XIRP2: variants seen among roughly 807,000 people sequenced by gnomAD.
XIRP2 encodes xin actin-binding repeat-containing protein 2.
A neutral mutation model predicts 277.0 loss-of-function variants in XIRP2; 236 were observed. That is an observed-to-expected ratio of 0.85 (90% confidence interval 0.77 to 0.95). The LOEUF is 0.95. Among genes scored for constraint, XIRP2 ranks in the 40% least tolerant of loss-of-function variants. XIRP2 has a pLI of 0.00. For synonymous variants in XIRP2, 1,490 were observed against 1,416.5 expected, an observed-to-expected ratio of 1.05 and a Z score of -1.17; for missense variants, 4,640 against 4,157.5, an observed-to-expected ratio of 1.12 and a Z score of -3.19.
intron 2 of XIRP2, among the ~76,000 whole-genome samples, chr2:166,994,910 G>C (rs1007238201): frequency 6.6e-6 from 1 of 151,220 alleles, no homozygotes; most frequent in African/African-American, 2.4e-5. Flanking sequence ...AGAAAAATGT[G>C]GGCTTTGACT....
chr2:167,030,346 C>T (rs1688309169), intron 2 of XIRP2, among the ~76,000 whole-genome samples: 1 of 152,084 alleles, frequency 6.6e-6, no homozygotes, highest in Admixed American at 6.6e-5. Context: ...CTCCTGTGGG[C>T]ATTTAGTACT....
chr2:167,166,381 G>T (rs573629094), intron 3 of XIRP2, among the ~76,000 whole-genome samples: 20 of 152,074 alleles, frequency 1.3e-4, no homozygotes, highest in African/African-American at 4.8e-4. Context: ...CCTAGAATAT[G>T]GTCTGTCTTA....
chr2:167,213,678 A>C (rs1293052972), intron 4 of XIRP2, among the ~76,000 whole-genome samples: 2 of 152,184 alleles, frequency 1.3e-5, no homozygotes. Context: ...CATGACACTA[A>C]ATAAGGTAAA....
intron 2 of XIRP2, among the ~76,000 whole-genome samples, chr2:167,067,171 A>G (rs762628795): frequency 5.3e-5 from 8 of 152,010 alleles, no homozygotes; most frequent in Non-Finnish European, 1.2e-4. Flanking sequence ...AATTACATAT[A>G]TCTATGAGTA....
intron 2 of XIRP2, among the ~76,000 whole-genome samples, chr2:167,005,868 G>C (rs1275094216): frequency 6.6e-6 from 1 of 151,634 alleles, no homozygotes; most frequent in Non-Finnish European, 1.5e-5. Context: ...CAACCTTCTG[G>C]ATCAGAATCT....
intron 5 of XIRP2, among the ~76,000 whole-genome samples, chr2:167,239,149 A>T (rs570291735): frequency 5.5e-4 from 84 of 152,318 alleles, no homozygotes; most frequent in African/African-American, 2.0e-3. Flanking sequence ...GAAGACTAGT[A>T]TGTCTTTTTG....
chr2:167,244,974 T>A lies in XIRP2; in HGVS notation c.3582T>A (p.Ala1194=). The A allele has an allele frequency of 6.2e-7, 1 of 1,613,310 alleles. No homozygotes were observed. Among genetic ancestry groups the A allele is most frequent in the Non-Finnish European group, 8.5e-7 (1 of 1,179,652 alleles). Residue 1194 remains alanine, a synonymous_variant, in exon 9 of 11, where the codon GCT becomes GCA. Coordinates refer to ENST00000409195, the MANE Select transcript of XIRP2 (RefSeq NM_152381.6). ...EIKPVEMDIQ[A]GDVSSMRYKF... ...AGCCTGTTGAAATGGATATACAAGC[T>A]GGAGATGTTTCCAGCATGAGGTATA...
chr2:167,142,447 CT>C (rs1352975099), intron 3 of XIRP2, among the ~76,000 whole-genome samples: 1 of 151,988 alleles, frequency 6.6e-6, no homozygotes, highest in Non-Finnish European at 1.5e-5. Flanking sequence ...ACTCGGGAGG[CT>C]GAGGCAGGAA....
At position 167,245,898 on chromosome 2, in the gene XIRP2, T is replaced by C; in HGVS notation, c.4506T>C (p.Ile1502=). 1 of 1,613,760 alleles carries C rather than the reference T, an allele frequency of 6.2e-7. No homozygotes were observed. The highest frequency in any genetic ancestry group is 1.1e-5 in the South Asian group (1 of 91,068). The change falls in exon 9 of 11, where the codon ATT becomes ATC. Residue 1502 remains isoleucine, a synonymous_variant. Transcript: ENST00000409195. ...WLFENRTFDS[I]MEAHKGITKM... ...TTGAAAATCGAACTTTCGATTCTAT[T>C]ATGGAAGCACATAAAGGTATCACAA...
chr2:167,095,838 A>C (rs1690294398), intron 2 of XIRP2, among the ~76,000 whole-genome samples: 1 of 101,682 alleles, frequency 9.8e-6, no homozygotes, highest in Admixed American at 1.3e-4. Flanking sequence ...AAAATGATTT[A>C]GGAGGCGTCA....
intron 4 of XIRP2, among the ~76,000 whole-genome samples, chr2:167,214,531 C>G (rs1339624617): frequency 6.7e-6 from 1 of 149,580 alleles, no homozygotes; most frequent in Non-Finnish European, 1.5e-5. Context: ...GTAATGTAGT[C>G]TGTTTCTAAA....
chr2:167,240,837 C>T (rs2105430249), intron 7 of XIRP2, 101 bp downstream of exon 7: 1 of 979,428 alleles, frequency 1.0e-6, no homozygotes, highest in Non-Finnish European at 1.6e-6. Context: ...CTCTGAGTAA[C>T]TTTAGTAACT....
At chr2:167,230,272 T>C (rs1694715095) in intron 5 of XIRP2, among the ~76,000 whole-genome samples, 1 of 152,140 alleles carries the variant, frequency 6.6e-6, no homozygotes, top group South Asian at 2.1e-4. Flanking sequence ...GTCAGTACTT[T>C]AGGTTGGGGT....
intron 2 of XIRP2, among the ~76,000 whole-genome samples, chr2:167,108,086 C>A (rs989060380): frequency 6.6e-6 from 1 of 151,444 alleles, no homozygotes; most frequent in Non-Finnish European, 1.5e-5. Context: ...ACATTTAGTG[C>A]ATTTTAAGGA....
intron 3 of XIRP2, among the ~76,000 whole-genome samples, chr2:167,171,120 G>A (rs1330599478): frequency 2.0e-5 from 3 of 151,694 alleles, no homozygotes; most frequent in East Asian, 1.9e-4. Context: ...GGCTGGTCTC[G>A]AACTCCTGAC....
chr2:166,896,994 G>T (rs146524985), intron 1 of XIRP2, among the ~76,000 whole-genome samples: 1 of 152,242 alleles, frequency 6.6e-6, no homozygotes, highest in East Asian at 1.9e-4. Context: ...TACCATATTG[G>T]CTAGATGTGT....
intron 2 of XIRP2, among the ~76,000 whole-genome samples, chr2:166,904,358 T>C (rs1205985737): frequency 2.6e-5 from 4 of 152,176 alleles, no homozygotes; most frequent in African/African-American, 4.8e-5. Context: ...TTAACTTCTC[T>C]AGCTGAATGA....
chr2:167,204,691 A>G (rs1321766418), intron 3 of XIRP2, among the ~76,000 whole-genome samples: 1 of 152,184 alleles, frequency 6.6e-6, no homozygotes, highest in East Asian at 1.9e-4. Context: ...CATTCTTTGA[A>G]GTTCTTTATC....
chr2:167,175,075 G>A (rs143177807), intron 3 of XIRP2, among the ~76,000 whole-genome samples: 43 of 152,252 alleles, frequency 2.8e-4, no homozygotes, highest in African/African-American at 9.9e-4. Flanking sequence ...GGGGTGGAGA[G>A]TTCTGTAGAT....
Sources: allele counts gnomAD v4.1 joint callset (sites outside exome capture counted in the v4.1 genomes callset), GRCh38; gene constraint gnomAD v4.1.1; transcripts MANE v1.5; gene names NCBI Gene and HGNC (gene_info 2026-07-23, HGNC 2026-07-21).